MGA: variants seen among roughly 807,000 people sequenced by gnomAD.
MGA encodes MAX gene-associated protein.
A neutral mutation model predicts 261.1 loss-of-function variants in MGA; 40 were observed. The observed-to-expected ratio is 0.15, with a 90% CI of 0.12 to 0.20. The LOEUF (loss-of-function observed/expected upper bound fraction) is 0.20. Among genes scored for constraint, MGA ranks in the 10% least tolerant of loss-of-function variants. The pLI is 1.00. For synonymous variants in MGA, 1,302 were observed against 1,290.6 expected, an observed-to-expected ratio of 1.01 and a Z score of -0.19; for missense variants, 3,397 against 3,630.5, an observed-to-expected ratio of 0.94 and a Z score of 1.65.
At chr15:41,733,724 C>CAT (rs748842008) in intron 11 of MGA, among the ~76,000 whole-genome samples, 5 of 152,096 alleles carry the variant, frequency 3.3e-5, no homozygotes, top group South Asian at 2.1e-4. Flanking sequence ...CAAACATACG[C>CAT]ATATATATAG....
At chr15:41,656,963 G>C (rs750964459), upstream of MGA, among the ~76,000 whole-genome samples, 45 of 151,902 alleles carry the variant, frequency 3.0e-4, no homozygotes, top group Non-Finnish European at 5.3e-4. Flanking sequence ...TGCAGAGATG[G>C]GTTCTCACTA....
At chr15:41,638,826 G>A (rs971025687) in intron 1 of MGA, among the ~76,000 whole-genome samples, 21 of 151,444 alleles carry the variant, frequency 1.4e-4, no homozygotes, top group Non-Finnish European at 2.8e-4. Context: ...TATTAGCTGA[G>A]ACTACAGGCG....
At chr15:41,656,346 CT>C (rs2057182903), upstream of MGA, among the ~76,000 whole-genome samples, 1 of 79,720 alleles carries the variant, frequency 1.3e-5, no homozygotes, top group Non-Finnish European at 3.4e-5. Context: ...CTCCTCTCTT[CT>C]CTCTCTCTCT....
chr15:41,623,399 T>C (rs1230897149), intron 1 of MGA, among the ~76,000 whole-genome samples: 2 of 152,168 alleles, frequency 1.3e-5, no homozygotes, highest in African/African-American at 4.8e-5. Context: ...GTTCCAAAAT[T>C]ATATTGGAAC....
intron 2 of MGA, among the ~76,000 whole-genome samples, chr15:41,690,996 T>G (rs1042634206): frequency 2.4e-5 from 2 of 85,092 alleles, no homozygotes; most frequent in Admixed American, 1.1e-4. Context: ...ATTGCTTTGT[T>G]TTTTTTTTTT....
At chr15:41,704,385 C>T (rs921507782) in intron 5 of MGA, among the ~76,000 whole-genome samples, 5 of 151,900 alleles carry the variant, frequency 3.3e-5, no homozygotes, top group Admixed American at 1.3e-4. Context: ...AGCGGCCAGG[C>T]GCGGTGGCTC....
chr15:41,646,709 C>G (rs1295210001), intron 1 of MGA, among the ~76,000 whole-genome samples: 1 of 151,726 alleles, frequency 6.6e-6, no homozygotes, highest in Admixed American at 6.6e-5. Flanking sequence ...GACTCTGTCA[C>G]CCCCCGCCCC....
intron 15 of MGA, among the ~76,000 whole-genome samples, chr15:41,747,942 T>A (rs1489958384): frequency 6.6e-6 from 1 of 152,190 alleles, no homozygotes; most frequent in Admixed American, 6.5e-5. Context: ...AATTAGACGT[T>A]ATTTGAAGCA....
chr15:41,760,567 AAG>A (rs746647137), intron 20 of MGA, 38 bp downstream of exon 20: 37 of 1,588,156 alleles, frequency 2.3e-5, no homozygotes, highest in Admixed American at 1.2e-4. Flanking sequence ...GAGCTTGACT[AAG>A]AGATTCTTAC....
intron 2 of MGA, among the ~76,000 whole-genome samples, chr15:41,672,779 C>G (rs920979358): frequency 6.6e-6 from 1 of 151,852 alleles, no homozygotes. Flanking sequence ...GCTTGTAAAG[C>G]GTAAAATATT....
chr15:41,679,105 G>A (rs913964437), intron 2 of MGA, among the ~76,000 whole-genome samples: 3 of 150,744 alleles, frequency 2.0e-5, no homozygotes, highest in Admixed American at 6.6e-5. Context: ...GTGTGATCTC[G>A]GCTCGCTGCA....
chr15:41,633,668 C>A (rs1409990796), intron 1 of MGA, among the ~76,000 whole-genome samples: 1 of 152,050 alleles, frequency 6.6e-6, no homozygotes, highest in Admixed American at 6.6e-5. Context: ...AGTGATCCAC[C>A]CACCTTGGCT....
Position 41,651,430 on chromosome 15 carries a change from T to C in MGA, c.-67-17398T>C, listed in dbSNP as rs574050327. On this transcript the variant is annotated intron_variant, in intron 1 of 8. Transcript: ENST00000566718. Reference sequence around the variant, plus strand: ...TTGACTACATAGCCACTGATTGCAATGTCTTCCTCCACTTTCTAATTTTAT... The same window carrying C: ...TTGACTACATAGCCACTGATTGCAACGTCTTCCTCCACTTTCTAATTTTAT... Among the ~76,000 whole-genome samples the C allele has an allele frequency of 7.2e-5, 11 of 152,320 alleles. No individual in the cohort carries two copies. In the East Asian group the frequency reaches 2.1e-3, roughly 29 times the overall value.
chr15:41,667,259 T>G (rs866924391), intron 1 of MGA, among the ~76,000 whole-genome samples: 7 of 152,270 alleles, frequency 4.6e-5, no homozygotes, highest in Admixed American at 2.0e-4. Context: ...TTTTATTTTT[T>G]TTTTTGAGTC....
intron 1 of MGA, among the ~76,000 whole-genome samples, chr15:41,625,591 A>G (rs974620081): frequency 2.6e-5 from 4 of 152,044 alleles, no homozygotes; most frequent in East Asian, 1.9e-4. Flanking sequence ...GCACATGCCT[A>G]TAGTCCTAGC....
intron 18 of MGA, among the ~76,000 whole-genome samples, chr15:41,755,750 G>A (rs2063113991): frequency 1.3e-5 from 2 of 152,226 alleles, no homozygotes; most frequent in South Asian, 4.1e-4. Flanking sequence ...TGGGCGTGGT[G>A]GCTCACGCCT....
At chr15:41,686,299 G>A (rs928905021) in intron 2 of MGA, among the ~76,000 whole-genome samples, 4 of 152,078 alleles carry the variant, frequency 2.6e-5, no homozygotes, top group African/African-American at 9.7e-5. Context: ...GATCACTTGA[G>A]CCCAGGAGCT....
chr15:41,637,992 A>C (rs1167271036), intron 1 of MGA, among the ~76,000 whole-genome samples: 1 of 147,920 alleles, frequency 6.8e-6, no homozygotes, highest in Admixed American at 6.8e-5. Context: ...CGGCCTCCCA[A>C]AGTACTGGGA....
intron 17 of MGA, chr15:41,752,003 A>G (rs2062861260): frequency 6.6e-6 from 1 of 152,230 alleles, no homozygotes; most frequent in African/African-American, 2.4e-5. Context: ...AAATAAGACA[A>G]AAAGATTACT....
Sources: gnomAD v4.1 joint callset for allele counts (sites outside exome capture counted in the v4.1 genomes callset) on GRCh38, gnomAD v4.1.1 for gene constraint, MANE v1.5 for transcripts, NCBI Gene and HGNC (gene_info 2026-07-23, HGNC 2026-07-21) for gene names.